PLXNA4: variants seen among roughly 807,000 people sequenced by gnomAD.
PLXNA4 encodes the protein plexin A4, also known as plexin-A4.
A neutral mutation model predicts 191.8 loss-of-function variants in PLXNA4; 44 were observed. That is an observed-to-expected ratio of 0.23 (90% CI 0.18 to 0.29). The LOEUF is 0.29. PLXNA4 is among the 10% of genes least tolerant of loss of function. PLXNA4 has a pLI of 1.00. For missense variants in PLXNA4, 1,800 were observed against 2,488.8 expected, an observed-to-expected ratio of 0.72 and a Z score of 5.89; for synonymous variants, 1,082 against 1,009.5, an observed-to-expected ratio of 1.07 and a Z score of -1.36.
intron 3 of PLXNA4, among the ~76,000 whole-genome samples, chr7:132,440,896 G>A (rs1462775162): frequency 6.6e-6 from 1 of 152,200 alleles, no homozygotes; most frequent in Non-Finnish European, 1.5e-5. Context: ...AAAGGTTGGT[G>A]AACAGGACAA....
chr7:132,428,427 C>T (rs578213992), intron 3 of PLXNA4, among the ~76,000 whole-genome samples: 39 of 152,336 alleles, frequency 2.6e-4, no homozygotes, highest in African/African-American at 8.9e-4. Context: ...TGCCAGGAGG[C>T]GAGGACCTTG....
At chr7:132,152,325 G>A (rs987950890) in intron 25 of PLXNA4, among the ~76,000 whole-genome samples, 8 of 152,156 alleles carry the variant, frequency 5.3e-5, no homozygotes, top group African/African-American at 1.9e-4. Context: ...AGCTGAGGAT[G>A]AGACAGCCCT....
chr7:132,263,347 A>T (rs1038414087), intron 4 of PLXNA4, among the ~76,000 whole-genome samples: 1 of 152,212 alleles, frequency 6.6e-6, no homozygotes, highest in African/African-American at 2.4e-5. Flanking sequence ...AGAGGCAGGC[A>T]TCTGCAGCAC....
intron 2 of PLXNA4, among the ~76,000 whole-genome samples, chr7:132,501,237 A>G (rs1413216237): frequency 6.6e-6 from 1 of 152,168 alleles, no homozygotes; most frequent in Non-Finnish European, 1.5e-5. Flanking sequence ...TGAGTGAGCA[A>G]GAGGAGAGAA....
chr7:132,567,935 T>A (rs755690157), intron 1 of PLXNA4, among the ~76,000 whole-genome samples: 27 of 152,106 alleles, frequency 1.8e-4, no homozygotes, highest in Non-Finnish European at 2.6e-4. Flanking sequence ...TTTGCTCACA[T>A]CAATCAGTGG....
intron 3 of PLXNA4, among the ~76,000 whole-genome samples, chr7:132,460,446 G>C (rs961506616): frequency 6.6e-6 from 1 of 151,860 alleles, no homozygotes; most frequent in Non-Finnish European, 1.5e-5. Flanking sequence ...AATTAGCTCT[G>C]TGCCCACCCT....
rs201489189 is a variant in PLXNA4 at position 132,203,381 on chromosome 7, C to T, written c.2337G>A (p.Val779=). ...GCCCATTCCACACGACTGTCAACTC[C>T]ACGGGCAGGTTGTTGATCTCCATCC... The part of the protein sequence containing the change: ...YEGMEINNLP[V]ELTVVWNGHF... Residue 779 remains valine (V), a synonymous_variant, in exon 11 of 32, where the codon GTG becomes GTA. Transcript: ENST00000321063. 5.6e-6 allele frequency: 9 copies of T among 1,614,142 alleles called. No individual in the cohort carries two copies. The highest frequency in any genetic ancestry group is 7.6e-6 in the Non-Finnish European group (9 of 1,180,020).
At chr7:132,268,120 C>T (rs75153098) in intron 4 of PLXNA4, among the ~76,000 whole-genome samples, 4,924 of 152,234 alleles carry the variant, frequency 0.032, 93 homozygotes, top group African/African-American at 0.039. Context: ...AAAATGCAAT[C>T]GACTGGGAGG....
At chr7:132,217,289 T>C (rs185163663) in intron 9 of PLXNA4, among the ~76,000 whole-genome samples, 109 of 152,352 alleles carry the variant, frequency 7.2e-4, no homozygotes, top group African/African-American at 2.0e-3. Flanking sequence ...AGAGGCTTCA[T>C]TGCATATTTA....
chr7:132,611,747 A>G lies in PLXNA4; in HGVS notation c.-87+34181T>C, dbSNP rs563064859. Among the ~76,000 whole-genome samples, 66 of 152,336 alleles carry G rather than the reference A, an allele frequency of 4.3e-4. 1 individual carries two copies. The highest frequency in any genetic ancestry group is 6.8e-3 in the Middle Eastern group (2 of 294). ...AGTCCAGATACCTGTAGTGAGAGAG[A>G]ACCAGTAGAAAGGGCCCTGGACCTT... On this transcript the variant is annotated intron_variant, in intron 2 of 4. Transcript: ENST00000378539.
chr7:132,363,854 T>G (rs1804048230), intron 3 of PLXNA4, among the ~76,000 whole-genome samples: 1 of 152,168 alleles, frequency 6.6e-6, no homozygotes, highest in African/African-American at 2.4e-5. Flanking sequence ...GAGATAAAGG[T>G]TGAAGAAATT....
chr7:132,130,441 G>A lies in PLXNA4; in HGVS notation c.*38C>T. On this transcript the variant is annotated 3_prime_UTR_variant, in exon 32 of 32. Transcript: ENST00000321063. Reference sequence around the variant, plus strand: ...ATAATCTAGACTGAGGCACGGCTTGGTGTGTCCCCCTCCAGGGCGGCCCTG... The same window carrying A: ...ATAATCTAGACTGAGGCACGGCTTGATGTGTCCCCCTCCAGGGCGGCCCTG... The A allele has an allele frequency of 1.9e-6, 3 of 1,613,934 alleles. No homozygotes were observed. The highest frequency in any genetic ancestry group is 2.5e-6 in the Non-Finnish European group (3 of 1,179,846).
intron 24 of PLXNA4, among the ~76,000 whole-genome samples, chr7:132,160,703 C>A (rs1018549444): frequency 1.3e-5 from 2 of 152,254 alleles, no homozygotes; most frequent in East Asian, 3.9e-4. Context: ...CTCTGTGTGT[C>A]TCTCTCCTTC....
chr7:132,149,855 CA>C (rs1431451621), intron 25 of PLXNA4, among the ~76,000 whole-genome samples: 2 of 152,200 alleles, frequency 1.3e-5, no homozygotes, highest in African/African-American at 4.8e-5. Flanking sequence ...GGTCCATGAC[CA>C]GCCACATTTG....
intron 3 of PLXNA4, among the ~76,000 whole-genome samples, chr7:132,456,833 G>T (rs534079608): frequency 1.3e-5 from 2 of 152,186 alleles, no homozygotes; most frequent in Non-Finnish European, 2.9e-5. Flanking sequence ...GGATGGAACT[G>T]GTTCCTACAT....
At chr7:132,197,119 A>G (rs1006237204) in intron 13 of PLXNA4, among the ~76,000 whole-genome samples, 9 of 152,176 alleles carry the variant, frequency 5.9e-5, no homozygotes, top group African/African-American at 1.7e-4. Flanking sequence ...TATACTTCGC[A>G]CAAGTTCCCC....
intron 14 of PLXNA4, among the ~76,000 whole-genome samples, chr7:132,188,913 T>G (rs578178591): frequency 7.0e-6 from 1 of 142,628 alleles, no homozygotes; most frequent in East Asian, 2.1e-4. Context: ...AAATGGTACT[T>G]GTGCCCATCT....
At chr7:132,252,485 T>C (rs1486772495) in intron 4 of PLXNA4, among the ~76,000 whole-genome samples, 1 of 151,888 alleles carries the variant, frequency 6.6e-6, no homozygotes, top group Non-Finnish European at 1.5e-5. Context: ...CTAATTTTTG[T>C]ATTTTTAATA....
intron 3 of PLXNA4, chr7:132,383,897 G>A (rs1008047572): frequency 2.0e-6 from 2 of 985,304 alleles, no homozygotes; most frequent in South Asian, 4.7e-5. Flanking sequence ...CACAGAGCCA[G>A]TTTCACATGG....
Sources: gnomAD v4.1 joint callset for allele counts (sites outside exome capture counted in the v4.1 genomes callset) on GRCh38, gnomAD v4.1.1 for gene constraint, MANE v1.5 for transcripts, NCBI Gene and HGNC (gene_info 2026-07-23, HGNC 2026-07-21) for gene names.